Variants in CHN2 observed in about 807,000 individuals in gnomAD.
CHN2 encodes the protein beta-chimaerin.
Under a neutral mutation model 56.3 loss-of-function variants are expected in CHN2, and 35 were observed. The ratio of observed to expected loss-of-function variants is 0.62; its 90% CI spans 0.47 to 0.82. The LOEUF (loss-of-function observed/expected upper bound fraction) is 0.82, where lower values mean the gene tolerates loss of function less well. Ranked by LOEUF, CHN2 falls within the 40% of genes least tolerant of loss-of-function variation. The pLI is 0.00. For missense variants in CHN2, 491 were observed against 580.5 expected (o/e 0.85, Z 1.58); for synonymous variants, 210 against 212.8 (o/e 0.99, Z 0.12).
intron 1 of CHN2, among the ~76,000 whole-genome samples, chr7:29,349,155 A>G (rs1037387268): frequency 6.6e-6 from 1 of 152,138 alleles, no homozygotes; most frequent in Non-Finnish European, 1.5e-5. Context: ...CCCACCCTTC[A>G]GTAGGAAATT....
intron 6 of CHN2, among the ~76,000 whole-genome samples, chr7:29,414,268 C>G (rs1193839003): frequency 6.6e-6 from 1 of 152,132 alleles, no homozygotes; most frequent in Non-Finnish European, 1.5e-5. Context: ...CTTTGAAACA[C>G]CCCCGAACTC....
At chr7:29,342,986 C>T (rs1585109768) in intron 1 of CHN2, among the ~76,000 whole-genome samples, 1 of 152,294 alleles carries the variant, frequency 6.6e-6, no homozygotes, top group South Asian at 2.1e-4. Context: ...CCAGTTAGGG[C>T]GTAAGCTCTG....
chr7:29,448,031 G>A (rs1353411969), intron 6 of CHN2, among the ~76,000 whole-genome samples: 2 of 152,134 alleles, frequency 1.3e-5, no homozygotes, highest in African/African-American at 2.4e-5. Flanking sequence ...GAAAATCACT[G>A]GAAAAAGGAA....
chr7:29,398,615 AG>A (rs140510730), intron 5 of CHN2, 129 bp downstream of exon 5: 151 of 630,764 alleles, frequency 2.4e-4, no homozygotes, highest in Middle Eastern at 1.8e-3. Flanking sequence ...TTATGTTATG[AG>A]GGGGGGGTCC....
At chr7:29,453,352 A>G (rs117535121) in intron 6 of CHN2, among the ~76,000 whole-genome samples, 122 of 152,264 alleles carry the variant, frequency 8.0e-4, no homozygotes, top group Non-Finnish European at 1.2e-3. Flanking sequence ...CACTTTTGTT[A>G]GTGGGGAGAT....
At chr7:29,292,885 A>G in intron 1 of CHN2, 1 of 456,274 alleles carries the variant, frequency 2.2e-6, no homozygotes, top group Non-Finnish European at 4.4e-6. Flanking sequence ...GGATTACAAT[A>G]ACCTCTTAAC....
intron 6 of CHN2, among the ~76,000 whole-genome samples, chr7:29,408,898 CTAATT>C (rs1390453816): frequency 2.0e-5 from 3 of 152,142 alleles, no homozygotes; most frequent in Non-Finnish European, 4.4e-5. Context: ...TAGGAAACAG[CTAATT>C]TAGAGACACG....
At chr7:29,192,891 G>A (rs1783075725), upstream of CHN2, 1 of 152,224 alleles carries the variant, frequency 6.6e-6, no homozygotes, top group South Asian at 2.1e-4. Context: ...GGGCTACATA[G>A]ATTACTAGTC....
chr7:29,354,984 T>TTTTTTATTTAC, intron 2 of CHN2, among the ~76,000 whole-genome samples: 1 of 151,240 alleles, frequency 6.6e-6, no homozygotes, highest in African/African-American at 2.4e-5. Context: ...TTTTTATTTA[T>TTTTTTATTTAC]TGAGACCAAG....
intron 1 of CHN2, among the ~76,000 whole-genome samples, chr7:29,249,136 A>C (rs1788297064): frequency 6.6e-6 from 1 of 152,100 alleles, no homozygotes; most frequent in Admixed American, 6.5e-5. Context: ...AGAGGCCGAG[A>C]AGCCCCATGA....
intron 9 of CHN2, 49 bp downstream of exon 9, chr7:29,500,089 T>C (rs763863543): frequency 2.2e-6 from 3 of 1,368,466 alleles, no homozygotes; most frequent in Non-Finnish European, 2.9e-6. Flanking sequence ...TTATTTTTAT[T>C]GTTTGTTTTT....
intron 1 of CHN2, among the ~76,000 whole-genome samples, chr7:29,273,326 CATAT>C (rs139183819): frequency 7.5e-5 from 6 of 79,788 alleles, no homozygotes; most frequent in Non-Finnish European, 1.5e-4. Flanking sequence ...TTCCATCATG[CATAT>C]ATATATATAT....
At position 29,433,176 on chromosome 7, in the gene CHN2, T is replaced by G. The variant is rs528909552; in HGVS notation, c.576+32348T>G. Among the ~76,000 whole-genome samples, 3 of 152,204 alleles carry G rather than the reference T, an allele frequency of 2.0e-5. No individual in the cohort carries two copies. In the East Asian group the frequency reaches 5.8e-4, roughly 29 times the overall value. ...CATGCCGTGGGGGGAGATTTTTTTTTGTTACACTTTGGCAAAAAGTGATGT... is the reference window on the plus strand; with the variant it reads ...CATGCCGTGGGGGGAGATTTTTTTTGGTTACACTTTGGCAAAAAGTGATGT... On this transcript the variant is annotated intron_variant, in intron 6 of 12. Transcript: ENST00000222792.
intron 2 of CHN2, among the ~76,000 whole-genome samples, chr7:29,171,188 G>A (rs1006990053): frequency 1.3e-5 from 2 of 152,082 alleles, no homozygotes; most frequent in South Asian, 2.1e-4. Flanking sequence ...GCTTACATAC[G>A]CACTGCTCTT....
At chr7:29,289,714 A>G (rs777755028) in intron 1 of CHN2, among the ~76,000 whole-genome samples, 41 of 152,228 alleles carry the variant, frequency 2.7e-4, no homozygotes, top group Admixed American at 9.8e-4. Flanking sequence ...TAGATGGCAC[A>G]AAAGATAAAA....
intron 1 of CHN2, among the ~76,000 whole-genome samples, chr7:29,198,914 G>A (rs1783939226): frequency 6.6e-6 from 1 of 152,204 alleles, no homozygotes; most frequent in Non-Finnish European, 1.5e-5. Context: ...CTGGGGATAA[G>A]AAGTTAAGAT....
chr7:29,400,352 G>A, intron 5 of CHN2, 191 bp from the exon 6 acceptor site: 2 of 612,228 alleles, frequency 3.3e-6, no homozygotes, highest in Non-Finnish European at 2.9e-6. Flanking sequence ...TACCTTTGCG[G>A]TAAGACAGGC....
chr7:29,380,360 A>C (rs1056144977), intron 3 of CHN2, among the ~76,000 whole-genome samples: 4 of 152,206 alleles, frequency 2.6e-5, no homozygotes, highest in Non-Finnish European at 5.9e-5. Context: ...TATACAGTCT[A>C]TATGTAATAT....
intron 1 of CHN2, among the ~76,000 whole-genome samples, chr7:29,352,383 CTATT>C (rs1005066041): frequency 4.2e-4 from 56 of 134,322 alleles, no homozygotes; most frequent in African/African-American, 1.6e-3. Flanking sequence ...GTGTGTGTCT[CTATT>C]TATCTTTGAA....
Sources: gnomAD v4.1 joint callset for allele counts (sites outside exome capture counted in the v4.1 genomes callset) on GRCh38, gnomAD v4.1.1 for gene constraint, MANE v1.5 for transcripts, NCBI Gene and HGNC (gene_info 2026-07-23, HGNC 2026-07-21) for gene names.